NBAS: variants seen among roughly 807,000 people sequenced by gnomAD.
NBAS encodes the protein NBAS subunit of NRZ tethering complex.
In NBAS, 219 loss-of-function variants were observed where a neutral mutation model predicts 302.5. That is an observed-to-expected ratio of 0.72 (90% confidence interval 0.65 to 0.81). The LOEUF (loss-of-function observed/expected upper bound fraction) is 0.81, where lower values mean the gene tolerates loss of function less well. Ranked by LOEUF, NBAS falls within the 30% of genes least tolerant of loss-of-function variation. The probability of loss-of-function intolerance (pLI) is 0.00; values close to 1 mark genes in which losing one functional copy is unlikely to be tolerated. For missense variants in NBAS, 2,932 were observed against 2,841.6 expected (o/e 1.03, Z -0.72); for synonymous variants, 1,118 against 1,021.6 (o/e 1.09, Z -1.80).
intron 32 of NBAS, among the ~76,000 whole-genome samples, chr2:15,364,025 C>T (rs1273056284): frequency 6.6e-6 from 1 of 152,194 alleles, no homozygotes; most frequent in Non-Finnish European, 1.5e-5. Context: ...TAGCAGGAAA[C>T]TGAGGCCTCT....
the NBAS span, among the ~76,000 whole-genome samples, chr2:14,910,011 G>A: frequency 5.9e-5 from 9 of 152,282 alleles, no homozygotes; most frequent in Non-Finnish European, 1.2e-4. Context: ...GACTTGCTCC[G>A]GGAGCTTTCT....
At chr2:15,186,628 C>T in intron 50 of NBAS, 114 bp downstream of exon 50, 2 of 1,471,428 alleles carry the variant, frequency 1.4e-6, no homozygotes, top group Non-Finnish European at 1.9e-6. Flanking sequence ...TGGCCTTTAC[C>T]AGTAATTACT....
chr2:15,019,757 TAAG>T, the NBAS span, among the ~76,000 whole-genome samples: 1 of 151,978 alleles, frequency 6.6e-6, no homozygotes, highest in Non-Finnish European at 1.5e-5. Context: ...AGTGCCTTTA[TAAG>T]AAGAGCCCAG....
chr2:14,783,082 C>T, the NBAS span, among the ~76,000 whole-genome samples: 11 of 152,026 alleles, frequency 7.2e-5, no homozygotes, highest in Non-Finnish European at 1.6e-4. Context: ...ATATAACAAA[C>T]CTGCACATGT....
At chr2:15,536,641 G>T in intron 7 of NBAS, 90 bp from the exon 8 acceptor site, 1 of 1,140,184 alleles carries the variant, frequency 8.8e-7, no homozygotes, top group Non-Finnish European at 1.3e-6. Context: ...TGATACACTG[G>T]CTTCAGGTAC....
At chr2:15,049,447 C>T in the NBAS span, among the ~76,000 whole-genome samples, 6 of 152,202 alleles carry the variant, frequency 3.9e-5, no homozygotes, top group Non-Finnish European at 8.8e-5. Context: ...GGCTCAGTGA[C>T]TCATCACCTG....
chr2:15,247,926 T>C (rs2147975875), intron 44 of NBAS, among the ~76,000 whole-genome samples: 1 of 152,166 alleles, frequency 6.6e-6, no homozygotes, highest in East Asian at 1.9e-4. Flanking sequence ...TATCCAGGAT[T>C]TGAACTCAGC....
intron 48 of NBAS, among the ~76,000 whole-genome samples, chr2:15,213,035 C>T (rs1255057093): frequency 6.6e-6 from 1 of 152,174 alleles, no homozygotes; most frequent in African/African-American, 2.4e-5. Flanking sequence ...TTTATTGGGA[C>T]CAGAATTAGA....
the NBAS span, among the ~76,000 whole-genome samples, chr2:15,008,810 T>C: frequency 3.6e-3 from 547 of 152,286 alleles, 3 homozygotes; most frequent in Middle Eastern, 0.031. Context: ...GTAGCAAAAA[T>C]AAATAAATTT....
intron 39 of NBAS, 21 bp downstream of exon 39, chr2:15,309,150 C>T: frequency 6.3e-7 from 1 of 1,598,292 alleles, no homozygotes; most frequent in Middle Eastern, 1.7e-4. Flanking sequence ...TTAAATTCTT[C>T]ATTGGTAAGG....
the NBAS span, among the ~76,000 whole-genome samples, chr2:15,154,156 AT>A: frequency 2.6e-5 from 4 of 152,192 alleles, no homozygotes; most frequent in African/African-American, 7.2e-5. Context: ...AAGTTGGCAT[AT>A]TTTTATTTTG....
At chr2:15,171,367 T>G (rs908127536) in intron 51 of NBAS, among the ~76,000 whole-genome samples, 5 of 152,202 alleles carry the variant, frequency 3.3e-5, no homozygotes, top group Admixed American at 3.3e-4. Context: ...TGTGCATAGA[T>G]TTTTTTCCCA....
chr2:15,412,839 A>C (rs1269861500), intron 25 of NBAS, among the ~76,000 whole-genome samples: 1 of 151,622 alleles, frequency 6.6e-6, no homozygotes, highest in Non-Finnish European at 1.5e-5. Flanking sequence ...AAAATTTTCC[A>C]AACCACCGTT....
At chr2:14,998,881 G>T in the NBAS span, among the ~76,000 whole-genome samples, 16 of 152,302 alleles carry the variant, frequency 1.1e-4, no homozygotes, top group African/African-American at 3.6e-4. Context: ...CAATGAGCAG[G>T]CTGAATTTCT....
chr2:15,220,533 T>G (rs1440890258), intron 47 of NBAS, among the ~76,000 whole-genome samples: 1 of 152,200 alleles, frequency 6.6e-6, no homozygotes, highest in African/African-American at 2.4e-5. Flanking sequence ...TGCTTGGTTA[T>G]TATAGGACTG....
At chr2:15,136,501 G>A in the NBAS span, among the ~76,000 whole-genome samples, 1 of 152,206 alleles carries the variant, frequency 6.6e-6, no homozygotes, top group Non-Finnish European at 1.5e-5. Flanking sequence ...AAGAAGTTTG[G>A]CAGAGGGCTG....
At chr2:15,295,316 G>C (rs1670497187) in intron 40 of NBAS, among the ~76,000 whole-genome samples, 1 of 152,170 alleles carries the variant, frequency 6.6e-6, no homozygotes, top group Non-Finnish European at 1.5e-5. Flanking sequence ...AAAGTTTTGA[G>C]TCTCCACATA....
chr2:15,467,939 C>A, intron 17 of NBAS, 135 bp from the exon 18 acceptor site: 1 of 804,906 alleles, frequency 1.2e-6, no homozygotes, highest in Non-Finnish European at 2.0e-6. Context: ...AAAACTTTTG[C>A]CATTGTAAAC....
chr2:14,944,811 C>T, the NBAS span, among the ~76,000 whole-genome samples: 2 of 151,952 alleles, frequency 1.3e-5, no homozygotes, highest in African/African-American at 4.8e-5. Flanking sequence ...CCCATTCTGC[C>T]CAGCACCAAG....
Sources: allele counts gnomAD v4.1 joint callset (sites outside exome capture counted in the v4.1 genomes callset), GRCh38; gene constraint gnomAD v4.1.1; transcripts MANE v1.5; gene names NCBI Gene and HGNC (gene_info 2026-07-23, HGNC 2026-07-21).